Variants in NLGN4X observed in about 807,000 individuals in gnomAD.
NLGN4X encodes neuroligin 4 X-linked, also known as neuroligin-4, X-linked.
In NLGN4X, 3 loss-of-function variants were observed where a neutral mutation model predicts 40.3. The ratio of observed to expected loss-of-function variants is 0.07; its 90% CI spans 0.03 to 0.19. The LOEUF is 0.19. NLGN4X is among the 10% of genes least tolerant of loss of function. The pLI, the probability that NLGN4X is intolerant of heterozygous loss-of-function variation, is 1.00. For missense variants in NLGN4X, 382 were observed against 708.3 expected (o/e 0.54, Z 5.23); for synonymous variants, 270 against 306.8 (o/e 0.88, Z 1.25).
At chrX:6,129,298 C>T (rs1001128780) in intron 2 of NLGN4X, among the ~76,000 whole-genome samples, 2 of 111,623 alleles carry the variant, frequency 1.8e-5, no homozygotes, top group Admixed American at 1.9e-4. Context: ...AAGACACAAC[C>T]CTTGCCAGTC....
chrX:6,124,580 G>A (rs2039500511), intron 2 of NLGN4X, among the ~76,000 whole-genome samples: 1 of 111,497 alleles, frequency 9.0e-6, no homozygotes, highest in Non-Finnish European at 1.9e-5. Flanking sequence ...TACTTGGAAG[G>A]CTGAGGCAGG....
chrX:6,167,075 A>G (rs397896207), intron 1 of NLGN4X, among the ~76,000 whole-genome samples: 1 of 101,268 alleles, frequency 9.9e-6, no homozygotes, highest in African/African-American at 3.5e-5. Context: ...GTCTCAAAAA[A>G]AAAAAAAAAA....
intron 2 of NLGN4X, among the ~76,000 whole-genome samples, chrX:6,100,178 G>A (rs1242424117): frequency 8.9e-6 from 1 of 112,795 alleles, no homozygotes; most frequent in Non-Finnish European, 1.9e-5. Flanking sequence ...TATTGTTTGT[G>A]GTTTAAGAAC....
intron 3 of NLGN4X, among the ~76,000 whole-genome samples, chrX:5,934,262 T>C (rs1324640131): frequency 8.9e-6 from 1 of 112,085 alleles, no homozygotes; most frequent in Non-Finnish European, 1.9e-5. Context: ...GGCTGAAGAA[T>C]AGTTCATTGT....
intron 3 of NLGN4X, among the ~76,000 whole-genome samples, chrX:5,926,799 C>T (rs1238656119): frequency 9.2e-6 from 1 of 108,302 alleles, no homozygotes; most frequent in African/African-American, 3.4e-5. Context: ...TACACACACA[C>T]ACACACACAC....
At chrX:5,957,727 C>T (rs1318868095) in intron 3 of NLGN4X, among the ~76,000 whole-genome samples, 1 of 111,522 alleles carries the variant, frequency 9.0e-6, no homozygotes, top group Non-Finnish European at 1.9e-5. Flanking sequence ...AAGGAACTCA[C>T]CAATTATGCA....
chrX:6,079,535 G>A (rs985346977), intron 2 of NLGN4X, among the ~76,000 whole-genome samples: 5 of 111,809 alleles, frequency 4.5e-5, no homozygotes, highest in African/African-American at 1.6e-4. Flanking sequence ...TTATATGCTT[G>A]AGCCTGTCTT....
intron 2 of NLGN4X, among the ~76,000 whole-genome samples, chrX:6,116,953 A>G (rs2039316486): frequency 8.9e-6 from 1 of 111,845 alleles, no homozygotes; most frequent in Admixed American, 9.5e-5. Context: ...GGTAGTAGAT[A>G]CGATTTTGGT....
chrX:6,221,391 T>TTTTATATATATATATATATATATATA (rs1491106130), intron 1 of NLGN4X, among the ~76,000 whole-genome samples: 1 of 53,374 alleles, frequency 1.9e-5, no homozygotes, highest in African/African-American at 7.5e-5. Context: ...CCTTCTTATA[T>TTTTATATATATATATATATATATATA]TATATATATA....
chrX:6,061,105 G>A (rs750965925), intron 2 of NLGN4X, among the ~76,000 whole-genome samples: 2 of 111,499 alleles, frequency 1.8e-5, no homozygotes, highest in African/African-American at 3.3e-5. Context: ...GCTATAATGT[G>A]GTTCTGCCCA....
chrX:6,086,403 T>C (rs931009354), intron 2 of NLGN4X, among the ~76,000 whole-genome samples: 1 of 111,963 alleles, frequency 8.9e-6, no homozygotes, highest in African/African-American at 3.2e-5. Flanking sequence ...ATAGGAAATG[T>C]AACAAAAAAG....
At chrX:6,157,700 C>A (rs951424698) in intron 1 of NLGN4X, among the ~76,000 whole-genome samples, 13 of 111,305 alleles carry the variant, frequency 1.2e-4, no homozygotes, top group African/African-American at 4.3e-4. Flanking sequence ...GGCAAGGAAT[C>A]TCCCTGGGGT....
chrX:5,905,417 G>A (rs1341314379), intron 4 of NLGN4X, among the ~76,000 whole-genome samples: 2 of 111,941 alleles, frequency 1.8e-5, no homozygotes, highest in African/African-American at 6.5e-5. Flanking sequence ...GTTTTGCATA[G>A]CTGAGCCCAA....
chrX:5,902,939 T>TGTGTGTATGTGTGTGCATGC, intron 5 of NLGN4X, 138 bp downstream of exon 5: 2 of 676,543 alleles, frequency 3.0e-6, no homozygotes, highest in Non-Finnish European at 4.7e-6. Context: ...AGCGTGTGTC[T>TGTGTGTATGTGTGTGCATGC]GTGTGTATGT....
intron 3 of NLGN4X, among the ~76,000 whole-genome samples, chrX:6,025,759 C>T (rs998099879): frequency 7.3e-5 from 8 of 109,144 alleles, no homozygotes; most frequent in African/African-American, 2.3e-4. Flanking sequence ...CAAAAATTAG[C>T]GGGGCGTGGT....
At chrX:6,152,842 C>T (rs1441133750) in intron 1 of NLGN4X, among the ~76,000 whole-genome samples, 1 of 112,584 alleles carries the variant, frequency 8.9e-6, no homozygotes, top group Non-Finnish European at 1.9e-5. Context: ...CCTCTTCACC[C>T]TTCAGCCCAT....
At chrX:5,983,349 C>A (rs1359441711) in intron 3 of NLGN4X, among the ~76,000 whole-genome samples, 2 of 111,889 alleles carry the variant, frequency 1.8e-5, no homozygotes, top group Non-Finnish European at 3.8e-5. Flanking sequence ...CCAACAAGAG[C>A]CAGCAGAAAT....
At chrX:6,000,729 G>A (rs1387609140) in intron 3 of NLGN4X, among the ~76,000 whole-genome samples, 1 of 111,270 alleles carries the variant, frequency 9.0e-6, no homozygotes, top group Non-Finnish European at 1.9e-5. Flanking sequence ...CAGCATTTTG[G>A]TCAAGGCCAT....
At chrX:6,134,553 T>C (rs1013980500) in intron 2 of NLGN4X, among the ~76,000 whole-genome samples, 1 of 112,299 alleles carries the variant, frequency 8.9e-6, no homozygotes, top group Non-Finnish European at 1.9e-5. Flanking sequence ...AGGAAAGTGA[T>C]GGAACAACAT....
Sources: allele counts gnomAD v4.1 joint callset (sites outside exome capture counted in the v4.1 genomes callset), GRCh38; gene constraint gnomAD v4.1.1; transcripts MANE v1.5; gene names NCBI Gene and HGNC (gene_info 2026-07-23, HGNC 2026-07-21).